The following RIN2 variants were observed in gnomAD, a reference collection of about 807,000 sequenced individuals.
RIN2 encodes Ras and Rab interactor 2.
In RIN2, 36 loss-of-function variants were observed where a neutral mutation model predicts 78.0. The observed-to-expected ratio is 0.46, with a 90% CI of 0.35 to 0.61. The LOEUF is 0.61. RIN2 is among the 20% of genes least tolerant of loss of function. RIN2 has a pLI of 0.00. For missense variants in RIN2, 1,087 were observed against 1,159.7 expected (o/e 0.94, Z 0.91); for synonymous variants, 466 against 466.8 (o/e 1.00, Z 0.02).
chr20:19,950,058 C>A (rs761940740), intron 4 of RIN2, among the ~76,000 whole-genome samples: 24 of 152,298 alleles, frequency 1.6e-4, no homozygotes, highest in Non-Finnish European at 2.6e-4. Context: ...CTCCAAAGAA[C>A]CTTAACCTGG....
chr20:19,919,778 C>A (rs976614615), intron 3 of RIN2, among the ~76,000 whole-genome samples: 1 of 151,718 alleles, frequency 6.6e-6, no homozygotes, highest in South Asian at 2.1e-4. Context: ...TGCACTCCAG[C>A]CTGGACAACA....
At chr20:19,804,339 A>G (rs1265109873) in intron 2 of RIN2, among the ~76,000 whole-genome samples, 1 of 152,166 alleles carries the variant, frequency 6.6e-6, no homozygotes, top group South Asian at 2.1e-4. Context: ...TAGGTTTGTC[A>G]TAAATGGCTC....
At chr20:19,861,999 A>C (rs1293966214) in intron 2 of RIN2, among the ~76,000 whole-genome samples, 1 of 150,996 alleles carries the variant, frequency 6.6e-6, no homozygotes, top group East Asian at 2.0e-4. Flanking sequence ...ATATCTGATG[A>C]TCACCCTCCA....
At chr20:19,973,510 C>G (rs1275438621) in intron 8 of RIN2, among the ~76,000 whole-genome samples, 1 of 152,188 alleles carries the variant, frequency 6.6e-6, no homozygotes. Flanking sequence ...CATTCCAGGC[C>G]AGGCACAGTG....
chr20:19,818,654 C>T (rs1357950106), intron 2 of RIN2, among the ~76,000 whole-genome samples: 2 of 150,530 alleles, frequency 1.3e-5, no homozygotes, highest in Non-Finnish European at 3.0e-5. Context: ...ATTGCTTGAA[C>T]CCGGAAGGCA....
intron 2 of RIN2, among the ~76,000 whole-genome samples, chr20:19,861,542 C>T (rs551601224): frequency 8.6e-5 from 13 of 151,248 alleles, no homozygotes; most frequent in South Asian, 2.1e-4. Flanking sequence ...CATATCTGAT[C>T]ACCCTCCTTA....
At chr20:19,862,869 C>G (rs1029015771) in intron 2 of RIN2, among the ~76,000 whole-genome samples, 1 of 152,184 alleles carries the variant, frequency 6.6e-6, no homozygotes, top group African/African-American at 2.4e-5. Flanking sequence ...GTTGAATCCC[C>G]TTTCACTGCA....
intron 2 of RIN2, among the ~76,000 whole-genome samples, chr20:19,843,279 A>T (rs1177669572): frequency 6.6e-6 from 1 of 152,230 alleles, no homozygotes; most frequent in Non-Finnish European, 1.5e-5. Context: ...CCAATTTTGA[A>T]ACAAGTTCTA....
chr20:19,792,939 CTGTG>C (rs36049213), intron 1 of RIN2, among the ~76,000 whole-genome samples: 183 of 147,190 alleles, frequency 1.2e-3, no homozygotes, highest in East Asian at 2.8e-3. Flanking sequence ...TAAGCAGCCA[CTGTG>C]TGTGTGTGTG....
chr20:19,815,738 G>A (rs998529059), intron 2 of RIN2, among the ~76,000 whole-genome samples: 4 of 152,132 alleles, frequency 2.6e-5, no homozygotes, highest in African/African-American at 9.7e-5. Context: ...TTCCTCTGGA[G>A]CCCGCTACAC....
intron 2 of RIN2, among the ~76,000 whole-genome samples, chr20:19,825,167 T>C (rs1431782147): frequency 1.3e-5 from 2 of 152,210 alleles, no homozygotes; most frequent in African/African-American, 4.8e-5. Context: ...CCTGCCTTCC[T>C]CACTTCCATA....
rs536008278 is a variant in RIN2 at position 19,965,077 on chromosome 20, A to G, written c.536+53A>G. ...CAAGGCCCTGTTTGGTGTGTGGGAT[A>G]TAATTAACCTGAGGTTTCTTGAAGG... On this transcript the variant is annotated intron_variant, in intron 7 of 12. Coordinates refer to ENST00000255006, the MANE Select transcript of RIN2 (RefSeq NM_018993.4). The G allele has an allele frequency of 2.7e-5, 39 of 1,433,304 alleles. No individual in the cohort carries two copies. In the Middle Eastern group the frequency reaches 5.2e-4, roughly 19 times the overall value. 88.8% of individuals were successfully genotyped at this position (1,433,304 alleles called of 1,614,324 possible). A position where few individuals can be genotyped will look rare whatever the true frequency, so the allele number is the denominator to read the frequency against.
chr20:19,922,892 C>T lies in RIN2; in HGVS notation c.58-12207C>T, dbSNP rs381491. 5.7e-3 allele frequency among the ~76,000 whole-genome samples: 874 copies of T among 152,324 alleles called. 8 individuals carry two copies. The highest frequency in any genetic ancestry group is 0.02 in the African/African-American group (824 of 41,576). On this transcript the variant is annotated intron_variant, in intron 3 of 12. Transcript: ENST00000255006. Reference sequence around the variant, plus strand: ...CCTGTCTTTGGAAGAGGGTGTAAGTCACTCAGCCCTCCCCCCACCAGCACA... The same window carrying T: ...CCTGTCTTTGGAAGAGGGTGTAAGTTACTCAGCCCTCCCCCCACCAGCACA...
At chr20:19,908,923 G>A (rs2039343335) in intron 3 of RIN2, among the ~76,000 whole-genome samples, 1 of 152,180 alleles carries the variant, frequency 6.6e-6, no homozygotes, top group South Asian at 2.1e-4. Context: ...GGAGTGCAAT[G>A]GCCTGATCTC....
At chr20:19,759,385 A>G (rs912668380) in intron 1 of RIN2, among the ~76,000 whole-genome samples, 1 of 152,196 alleles carries the variant, frequency 6.6e-6, no homozygotes, top group Non-Finnish European at 1.5e-5. Context: ...GTAAATACTG[A>G]AGCAAAAAGA....
At chr20:19,838,930 C>T (rs1455083652) in intron 2 of RIN2, among the ~76,000 whole-genome samples, 2 of 152,170 alleles carry the variant, frequency 1.3e-5, no homozygotes, top group Non-Finnish European at 2.9e-5. Context: ...GGCCTGACAA[C>T]ACCAGCTTGT....
At chr20:19,858,919 G>A (rs894080891) in intron 2 of RIN2, among the ~76,000 whole-genome samples, 2 of 152,196 alleles carry the variant, frequency 1.3e-5, no homozygotes, top group South Asian at 4.1e-4. Context: ...GGACATGCAG[G>A]GAGAAGGCGG....
intron 1 of RIN2, among the ~76,000 whole-genome samples, chr20:19,770,761 C>A (rs980735978): frequency 1.3e-5 from 2 of 152,182 alleles, no homozygotes; most frequent in African/African-American, 4.8e-5. Context: ...CAGAAGCCTT[C>A]TGTGACCAAA....
At chr20:19,810,300 T>G (rs994483198) in intron 2 of RIN2, among the ~76,000 whole-genome samples, 1 of 150,958 alleles carries the variant, frequency 6.6e-6, no homozygotes, top group Non-Finnish European at 1.5e-5. Context: ...CCCAGCTACT[T>G]GGGAGGCTGA....
Sources: gnomAD v4.1 joint callset for allele counts (sites outside exome capture counted in the v4.1 genomes callset) on GRCh38, gnomAD v4.1.1 for gene constraint, MANE v1.5 for transcripts, NCBI Gene and HGNC (gene_info 2026-07-23, HGNC 2026-07-21) for gene names.